Variants in SDK1 observed in about 807,000 individuals in gnomAD.
SDK1 encodes the protein sidekick cell adhesion molecule 1, also known as protein sidekick-1.
A neutral mutation model predicts 245.5 loss-of-function variants in SDK1; 157 were observed. The observed-to-expected ratio is 0.64, with a 90% CI of 0.56 to 0.73. SDK1 has a LOEUF of 0.73. Among genes scored for constraint, SDK1 ranks in the 30% least tolerant of loss-of-function variants. The pLI is 0.00. For missense variants in SDK1, 3,583 were observed against 3,002.3 expected, an observed-to-expected ratio of 1.19 and a Z score of -4.52; for synonymous variants, 1,647 against 1,278.5, an observed-to-expected ratio of 1.29 and a Z score of -6.15.
intron 40 of SDK1, chr7:4,227,351 A>G: frequency 2.1e-6 from 1 of 470,574 alleles, no homozygotes; most frequent in South Asian, 1.6e-5. Flanking sequence ...ATCAGCCTGC[A>G]ACACGGGCTT....
At chr7:3,635,278 T>G (rs1782421329) in intron 2 of SDK1, among the ~76,000 whole-genome samples, 2 of 152,246 alleles carry the variant, frequency 1.3e-5, no homozygotes, top group Admixed American at 1.3e-4. Context: ...ATATTTTTTC[T>G]CTTTATAAAA....
chr7:4,056,724 G>C (rs960045318), intron 19 of SDK1, among the ~76,000 whole-genome samples: 1 of 152,112 alleles, frequency 6.6e-6, no homozygotes, highest in East Asian at 1.9e-4. Flanking sequence ...GGGAGCCCAC[G>C]CTGCACCCCA....
intron 21 of SDK1, 119 bp from the exon 22 acceptor site, chr7:4,079,344 T>G: frequency 8.3e-7 from 1 of 1,201,974 alleles, no homozygotes; most frequent in Non-Finnish European, 1.2e-6. Context: ...TGAGAGCAAA[T>G]CCTTTTTTGG....
At chr7:3,863,152 A>G (rs1400230850) in intron 5 of SDK1, among the ~76,000 whole-genome samples, 1 of 152,170 alleles carries the variant, frequency 6.6e-6, no homozygotes, top group African/African-American at 2.4e-5. Flanking sequence ...CTCCTGAGCC[A>G]TTCACTTCTG....
intron 7 of SDK1, among the ~76,000 whole-genome samples, chr7:3,955,048 C>G (rs923409043): frequency 2.0e-5 from 3 of 152,154 alleles, no homozygotes; most frequent in South Asian, 2.1e-4. Context: ...TCCCTCCGAG[C>G]CACGCCTTCT....
intron 2 of SDK1, among the ~76,000 whole-genome samples, chr7:3,623,248 T>TC (rs1170615564): frequency 1.4e-4 from 20 of 146,780 alleles, no homozygotes; most frequent in African/African-American, 3.0e-4. Flanking sequence ...TGTATTTCTT[T>TC]TTTTTTTTTT....
At chr7:3,954,230 GCCCTCCACCCTC>G (rs1781057118) in intron 7 of SDK1, among the ~76,000 whole-genome samples, 2 of 129,518 alleles carry the variant, frequency 1.5e-5, no homozygotes, top group Non-Finnish European at 1.6e-5. Context: ...GCCCCTCTAC[GCCCTCCACCCTC>G]CCCTCCTGCC....
chr7:3,331,999 C>T (rs577068705), intron 1 of SDK1, among the ~76,000 whole-genome samples: 1 of 152,288 alleles, frequency 6.6e-6, no homozygotes, highest in Admixed American at 6.5e-5. Context: ...ATGTAACTTT[C>T]TCATGCCTTA....
intron 4 of SDK1, among the ~76,000 whole-genome samples, chr7:3,795,139 A>C (rs1778931170): frequency 6.6e-6 from 1 of 152,130 alleles, no homozygotes; most frequent in African/African-American, 2.4e-5. Context: ...TAGTGGCACA[A>C]CTGACTCTAA....
intron 4 of SDK1, among the ~76,000 whole-genome samples, 165 bp downstream of exon 4, chr7:3,642,270 T>C (rs1268225297): frequency 6.6e-6 from 1 of 152,232 alleles, no homozygotes; most frequent in Non-Finnish European, 1.5e-5. Flanking sequence ...GAGGACTGGC[T>C]TGAATATTTT....
chr7:3,381,136 G>C (rs563878958), intron 1 of SDK1, among the ~76,000 whole-genome samples: 256 of 152,264 alleles, frequency 1.7e-3, no homozygotes, highest in African/African-American at 5.9e-3. Context: ...AGTAAGAAGA[G>C]AATCCATGAA....
At chr7:3,981,929 G>T (rs958929240) in intron 13 of SDK1, among the ~76,000 whole-genome samples, 1 of 152,266 alleles carries the variant, frequency 6.6e-6, no homozygotes, top group Non-Finnish European at 1.5e-5. Context: ...GGTGGCTACA[G>T]TAACAAGAAA....
intron 1 of SDK1, among the ~76,000 whole-genome samples, chr7:3,569,125 G>C (rs189534369): frequency 1.3e-5 from 2 of 150,350 alleles, no homozygotes; most frequent in Admixed American, 1.3e-4. Flanking sequence ...TTTATATCTC[G>C]CTTAGTTTTA....
At chr7:3,940,295 C>G (rs1780310174) in intron 5 of SDK1, among the ~76,000 whole-genome samples, 1 of 152,246 alleles carries the variant, frequency 6.6e-6, no homozygotes, top group Admixed American at 6.5e-5. Context: ...CTTTGCGGGA[C>G]AGTGAAACCC....
intron 1 of SDK1, among the ~76,000 whole-genome samples, chr7:3,480,407 C>T (rs1214072114): frequency 2.6e-5 from 4 of 151,598 alleles, no homozygotes; most frequent in East Asian, 1.9e-4. Context: ...AGCTGCCTGC[C>T]TCCTGCACAT....
chr7:3,847,545 G>A (rs955090780), intron 5 of SDK1, among the ~76,000 whole-genome samples: 4 of 152,304 alleles, frequency 2.6e-5, no homozygotes, highest in Admixed American at 6.5e-5. Flanking sequence ...TTGCAAAGCC[G>A]GCCTTCCTCC....
chr7:3,619,305 G>T (rs1284548562), intron 2 of SDK1, 66 bp downstream of exon 2: 9 of 1,355,332 alleles, frequency 6.6e-6, no homozygotes, highest in South Asian at 1.3e-5. Context: ...TTGCCTTACT[G>T]GTCATAATAG....
At position 4,266,962 on chromosome 7, in the gene SDK1, C is replaced by A; in HGVS notation, c.*1578C>A. 1 of 985,520 alleles carries A rather than the reference C, an allele frequency of 1.0e-6. No individual in the cohort carries two copies. The allele number at this position is 985,520 out of a possible 1,614,324, so 61.0% of individuals were successfully genotyped here. A position where few individuals can be genotyped will look rare whatever the true frequency, so the allele number is the denominator to read the frequency against. On this transcript the variant is annotated 3_prime_UTR_variant, in exon 45 of 45. Transcript: ENST00000404826. ...TATCTGACCAGTGCCACCCAGGAGCCAGTCTCCTGGCCACATGCAGAAAGT... is the reference window on the plus strand; with the variant it reads ...TATCTGACCAGTGCCACCCAGGAGCAAGTCTCCTGGCCACATGCAGAAAGT...
At chr7:3,563,077 A>G (rs1001564275) in intron 1 of SDK1, among the ~76,000 whole-genome samples, 10 of 152,220 alleles carry the variant, frequency 6.6e-5, no homozygotes, top group African/African-American at 2.2e-4. Context: ...GACGGTAGGG[A>G]TGAAGAAACA....
Sources: allele counts gnomAD v4.1 joint callset (sites outside exome capture counted in the v4.1 genomes callset), GRCh38; gene constraint gnomAD v4.1.1; transcripts MANE v1.5; gene names NCBI Gene and HGNC (gene_info 2026-07-23, HGNC 2026-07-21).